The following FARS2 variants were observed in gnomAD, a reference collection of about 807,000 sequenced individuals.
FARS2 encodes phenylalanyl-tRNA synthetase 2, mitochondrial.
In FARS2, 40 loss-of-function variants were observed where a neutral mutation model predicts 46.4. That is an observed-to-expected ratio of 0.86 (90% CI 0.67 to 1.12). The LOEUF is 1.12. Among genes scored for constraint, FARS2 ranks in the 50% most tolerant of loss-of-function variants. FARS2 has a pLI of 0.00. For synonymous variants in FARS2, 234 were observed against 214.9 expected (o/e 1.09, Z -0.78); for missense variants, 513 against 567.9 (o/e 0.90, Z 0.98).
chr6:5,688,459 C>T (rs568022415), intron 6 of FARS2, among the ~76,000 whole-genome samples: 5 of 152,248 alleles, frequency 3.3e-5, no homozygotes, highest in South Asian at 2.1e-4. Flanking sequence ...TTGAGATAAT[C>T]GTGTGGTTTT....
At chr6:5,517,985 G>A (rs17140739) in intron 4 of FARS2, among the ~76,000 whole-genome samples, 21,108 of 152,116 alleles carry the variant, frequency 0.14, 1,499 homozygotes, top group South Asian at 0.19. Flanking sequence ...CAGAAATTAG[G>A]GCATGGAAAG....
intron 1 of FARS2, among the ~76,000 whole-genome samples, chr6:5,286,660 A>G (rs546813383): frequency 2.0e-5 from 3 of 152,210 alleles, no homozygotes; most frequent in Non-Finnish European, 2.9e-5. Context: ...GTGTGTGTGT[A>G]TTATATACAT....
intron 6 of FARS2, among the ~76,000 whole-genome samples, chr6:5,653,766 C>T (rs1777480941): frequency 6.6e-6 from 1 of 152,218 alleles, no homozygotes; most frequent in Non-Finnish European, 1.5e-5. Flanking sequence ...CTGTCAGATG[C>T]TCCTCTGGAC....
intron 6 of FARS2, among the ~76,000 whole-genome samples, chr6:5,735,790 T>C (rs1464335378): frequency 6.6e-6 from 1 of 152,158 alleles, no homozygotes; most frequent in Non-Finnish European, 1.5e-5. Flanking sequence ...CCCCAGCCTA[T>C]CGAACACATG....
At chr6:5,526,268 T>A (rs1435122393) in intron 4 of FARS2, among the ~76,000 whole-genome samples, 1 of 152,230 alleles carries the variant, frequency 6.6e-6, no homozygotes, top group Non-Finnish European at 1.5e-5. Context: ...ATCTTTTAAT[T>A]ATGTTTTGGA....
chr6:5,577,589 T>A (rs184952554), intron 5 of FARS2, among the ~76,000 whole-genome samples: 56 of 152,306 alleles, frequency 3.7e-4, no homozygotes, highest in African/African-American at 1.2e-3. Flanking sequence ...AAGATTTTTT[T>A]AATTTCTCTC....
chr6:5,615,061 A>G (rs1775401358), intron 6 of FARS2, among the ~76,000 whole-genome samples: 1 of 152,094 alleles, frequency 6.6e-6, no homozygotes, highest in South Asian at 2.1e-4. Flanking sequence ...TTTCAAGTTT[A>G]TTATCTTTAT....
intron 6 of FARS2, among the ~76,000 whole-genome samples, chr6:5,698,005 G>A (rs765357568): frequency 6.6e-6 from 1 of 152,200 alleles, no homozygotes; most frequent in Non-Finnish European, 1.5e-5. Flanking sequence ...GACAGCAGAA[G>A]TGAAAGCCAA....
intron 4 of FARS2, among the ~76,000 whole-genome samples, chr6:5,526,276 G>C (rs1482085623): frequency 6.6e-6 from 1 of 152,094 alleles, no homozygotes; most frequent in Non-Finnish European, 1.5e-5. Flanking sequence ...ATTATGTTTT[G>C]GATAATGATG....
At chr6:5,480,505 A>G (rs141823683) in intron 4 of FARS2, among the ~76,000 whole-genome samples, 1 of 152,358 alleles carries the variant, frequency 6.6e-6, no homozygotes, top group East Asian at 1.9e-4. Context: ...TTCAAAGATT[A>G]CCTAATGGCA....
chr6:5,675,199 G>GACACAC lies in FARS2; in HGVS notation c.1217+61914_1217+61919dup, dbSNP rs3057239. 4.9e-3 allele frequency among the ~76,000 whole-genome samples: 713 copies of GACACAC among 145,058 alleles called. 5 individuals carry two copies. Among genetic ancestry groups the GACACAC allele is most frequent in the African/African-American group, 0.017 (655 of 39,076 alleles). On this transcript the variant is annotated intron_variant, in intron 6 of 6. Transcript: ENST00000274680. ...TAAAAATGCGTTATATTTGCAGATA[G>GACACAC]ACACACACACACACACACACACACA...
At chr6:5,603,320 G>A (rs1457703138) in intron 5 of FARS2, among the ~76,000 whole-genome samples, 2 of 152,138 alleles carry the variant, frequency 1.3e-5, no homozygotes, top group Non-Finnish European at 2.9e-5. Flanking sequence ...AGGAGCCTCT[G>A]TAGATTTAGA....
chr6:5,597,934 AAT>A (rs1415159604), intron 5 of FARS2, among the ~76,000 whole-genome samples: 1 of 151,954 alleles, frequency 6.6e-6, no homozygotes, highest in African/African-American at 2.4e-5. Flanking sequence ...GCTCTGTTGA[AAT>A]TATGCAGCAT....
chr6:5,618,449 C>T (rs1775589690), intron 6 of FARS2, among the ~76,000 whole-genome samples: 1 of 152,172 alleles, frequency 6.6e-6, no homozygotes, highest in African/African-American at 2.4e-5. Context: ...TGCCTAACAT[C>T]AAAGCATGCT....
At chr6:5,649,648 G>C (rs1484695915) in intron 6 of FARS2, among the ~76,000 whole-genome samples, 1 of 152,202 alleles carries the variant, frequency 6.6e-6, no homozygotes, top group Non-Finnish European at 1.5e-5. Context: ...GAATACTGCA[G>C]CTATTACCAT....
intron 6 of FARS2, among the ~76,000 whole-genome samples, chr6:5,711,185 G>C (rs1317102246): frequency 6.6e-6 from 1 of 152,194 alleles, no homozygotes; most frequent in Non-Finnish European, 1.5e-5. Flanking sequence ...CCAACAGCCA[G>C]ACTGGAACAC....
At chr6:5,257,268 A>C (rs1275097411), upstream of FARS2, among the ~76,000 whole-genome samples, 1 of 151,766 alleles carries the variant, frequency 6.6e-6, no homozygotes, top group Non-Finnish European at 1.5e-5. Context: ...CAACCCCATC[A>C]TACTTACCTC....
chr6:5,475,247 T>A lies in FARS2; in HGVS notation c.904+44075T>A, dbSNP rs186846223. Among the ~76,000 whole-genome samples, 477 of 152,314 alleles carry A rather than the reference T, an allele frequency of 3.1e-3. 4 individuals carry two copies. Among genetic ancestry groups the A allele is most frequent in the African/African-American group, 0.011 (460 of 41,572 alleles). Reference sequence around the variant, plus strand: ...TTGAAAGACTAGATTTCTTGGACAGTTCTCAAAAAGAGTTGGATATGCAGG... The same window carrying A: ...TTGAAAGACTAGATTTCTTGGACAGATCTCAAAAAGAGTTGGATATGCAGG... On this transcript the variant is annotated intron_variant, in intron 4 of 6. Coordinates refer to ENST00000274680, the MANE Select transcript of FARS2 (RefSeq NM_006567.5).
intron 1 of FARS2, among the ~76,000 whole-genome samples, chr6:5,279,707 G>A (rs1766593294): frequency 6.6e-6 from 1 of 151,978 alleles, no homozygotes; most frequent in Non-Finnish European, 1.5e-5. Context: ...AGAGTGGATG[G>A]TGTAAGTTCT....
Sources: gnomAD v4.1 joint callset for allele counts (sites outside exome capture counted in the v4.1 genomes callset) on GRCh38, gnomAD v4.1.1 for gene constraint, MANE v1.5 for transcripts, NCBI Gene and HGNC (gene_info 2026-07-23, HGNC 2026-07-21) for gene names.